ABCA9: variants seen among roughly 807,000 people sequenced by gnomAD.
ABCA9 encodes the protein ATP-binding cassette sub-family A member 9.
Under a neutral mutation model 205.3 loss-of-function variants are expected in ABCA9, and 183 were observed. That is an observed-to-expected ratio of 0.89 (90% CI 0.79 to 1.01). The LOEUF (loss-of-function observed/expected upper bound fraction) is 1.01. Ranked by LOEUF, ABCA9 falls within the 50% of genes least tolerant of loss-of-function variation. ABCA9 has a pLI of 0.00. For synonymous variants in ABCA9, 651 were observed against 683.3 expected (o/e 0.95, Z 0.74); for missense variants, 1,805 against 1,912.4 (o/e 0.94, Z 1.05).
intron 25 of ABCA9, among the ~76,000 whole-genome samples, chr17:69,000,093 G>C (rs894946117): frequency 6.6e-6 from 1 of 151,030 alleles, no homozygotes; most frequent in Non-Finnish European, 1.5e-5. Context: ...TCACTCTGAT[G>C]GTAGTTTCTT....
intron 1 of ABCA9, among the ~76,000 whole-genome samples, chr17:69,053,298 A>G (rs2144519061): frequency 6.6e-6 from 1 of 152,274 alleles, no homozygotes; most frequent in East Asian, 1.9e-4. Context: ...TACTCATTTC[A>G]CTTCAGAGAT....
At chr17:69,037,785 T>C (rs2071397651) in intron 6 of ABCA9, among the ~76,000 whole-genome samples, 1 of 152,142 alleles carries the variant, frequency 6.6e-6, no homozygotes, top group Admixed American at 6.5e-5. Flanking sequence ...AGGAGCTGTT[T>C]TTTTTAAAAG....
At chr17:68,978,057 G>A (rs530139847) in intron 37 of ABCA9, among the ~76,000 whole-genome samples, 2 of 152,272 alleles carry the variant, frequency 1.3e-5, no homozygotes, top group East Asian at 3.9e-4. Context: ...GTCTAATGTT[G>A]ACAGTGGGGT....
At chr17:69,024,454 A>G in intron 16 of ABCA9, 101 bp from the exon 17 acceptor site, 1 of 1,190,752 alleles carries the variant, frequency 8.4e-7, no homozygotes, top group South Asian at 1.7e-5. Context: ...AATATTTATG[A>G]GACAAAAAAA....
the ABCA9 span, among the ~76,000 whole-genome samples, chr17:69,071,524 A>T: frequency 6.6e-6 from 1 of 152,208 alleles, no homozygotes. Context: ...AGAAAAACTA[A>T]CAAACAGAAA....
At chr17:68,991,185 C>T (rs1323039532) in intron 28 of ABCA9, among the ~76,000 whole-genome samples, 1 of 152,142 alleles carries the variant, frequency 6.6e-6, no homozygotes, top group Non-Finnish European at 1.5e-5. Context: ...GCTTAATCCT[C>T]CCTGTTGATG....
rs2068952399 is a variant in ABCA9 at position 68,978,575 on chromosome 17, C to T, written c.4721-2385G>A. Among the ~76,000 whole-genome samples, 5 of 152,254 alleles carry T rather than the reference C, an allele frequency of 3.3e-5. No individual in the cohort carries two copies. In the South Asian group the frequency reaches 8.3e-4, roughly 25 times the overall value. ...TTCTTCCTAGCCTCAATGGTCTTTA[C>T]AATTAGGCATGTTTTTGCAGTGGCT... On this transcript the variant is annotated intron_variant, in intron 37 of 38. Coordinates refer to ENST00000340001, the MANE Select transcript of ABCA9 (RefSeq NM_080283.4).
In ABCA9 at chr17:68,984,145, C is replaced by T. The variant is rs375212861; in HGVS notation, c.4410G>A (p.Thr1470=). The T allele has an allele frequency of 2.1e-5, 34 of 1,614,032 alleles. No individual in the cohort carries two copies. In the African/African-American group the frequency reaches 3.7e-4, roughly 18 times the overall value. ...WQVIRATFRN[T]ERGALLTTHY... is the part of the protein sequence containing the mutation. ...GGGTGGTCAGGAGGGCGCCCCTCTC[C>T]GTGTTTCTAAAGGTGGCCCGAATCA... The change falls in exon 35 of 39, where the codon ACG becomes ACA. Residue 1470 remains threonine, a synonymous_variant. Transcript: ENST00000340001.
intron 1 of ABCA9, among the ~76,000 whole-genome samples, chr17:69,059,631 A>G (rs1179110575): frequency 1.3e-5 from 2 of 151,576 alleles, no homozygotes; most frequent in Non-Finnish European, 2.9e-5. Context: ...CTGTAAGATG[A>G]TAACTCTGTT....
In ABCA9 at chr17:68,999,926, T is replaced by G. The variant is rs2069785469; in HGVS notation, c.3436-3912A>C. ...GTTTTTTGGCTGCATAAATGTCTTC[T>G]TTTGAGAAGTGTCTGTTCATGTCCT... On this transcript the variant is annotated intron_variant, in intron 25 of 38. Transcript: ENST00000340001. Among the ~76,000 whole-genome samples, 3 of 152,320 alleles carry G rather than the reference T, an allele frequency of 2.0e-5. No homozygotes were observed. The South Asian group carries it at 6.2e-4, about 32-fold the overall frequency.
At chr17:68,998,145 C>T (rs1334648948) in intron 25 of ABCA9, among the ~76,000 whole-genome samples, 1 of 152,162 alleles carries the variant, frequency 6.6e-6, no homozygotes, top group Non-Finnish European at 1.5e-5. Context: ...AATAATATTC[C>T]ATTGTCTGGA....
rs764563080 is a variant in ABCA9, at chr17:68,992,266, G to C, written c.3625C>G (p.Pro1209Ala). ...AGAAAAATGAGAAAATGAAGGTAAG[G>C]CTAGGGAAAAAGAAAGACAATCACA... ...SEIVYLALLI[P>A]YLHFLIFLFI... is the part of the protein sequence containing the mutation. Residue 1209 changes from proline to alanine, a missense_variant and splice_region_variant, in exon 28 of 39, where the codon CCT (proline) becomes GCT (alanine). Coordinates refer to ENST00000340001, the MANE Select transcript of ABCA9 (RefSeq NM_080283.4). The C allele has an allele frequency of 4.5e-6, 7 of 1,567,424 alleles. No individual in the cohort carries two copies. The Admixed American group carries it at 7.2e-5, about 16-fold the overall frequency.
At chr17:68,985,665 A>C (rs1567914600) in intron 32 of ABCA9, among the ~76,000 whole-genome samples, 2 of 152,158 alleles carry the variant, frequency 1.3e-5, no homozygotes, top group East Asian at 3.9e-4. Flanking sequence ...GTCTGGGTGC[A>C]GTGGCTCACA....
At chr17:69,021,272 T>C (rs970088369) in intron 18 of ABCA9, among the ~76,000 whole-genome samples, 4 of 151,926 alleles carry the variant, frequency 2.6e-5, no homozygotes, top group East Asian at 1.9e-4. Flanking sequence ...CATAAGATGA[T>C]AGTGAACCAG....
rs1598395566 is a variant in ABCA9 at position 69,032,515 on chromosome 17, G to A, written c.1277-239C>T. 3.2e-5 allele frequency: 11 copies of A among 342,462 alleles called. No individual in the cohort carries two copies. The East Asian group carries it at 5.3e-4, about 16-fold the overall frequency. 21.2% of individuals were successfully genotyped at this position (342,462 alleles called of 1,614,324 possible). A position where few individuals can be genotyped will look rare whatever the true frequency, so the allele number is the denominator to read the frequency against. On this transcript the variant is annotated intron_variant, in intron 9 of 38. Coordinates refer to ENST00000340001, the MANE Select transcript of ABCA9 (RefSeq NM_080283.4). ...TGTAGCATTGTTAACTAACTAAAAA[G>A]CTCCTCAAAATGCAGAGAGATGTCT...
rs2069387657 is a variant in ABCA9 at position 68,989,895 on chromosome 17, T to C, written c.3873A>G (p.Glu1291=). Residue 1291 remains glutamate, a synonymous_variant, in exon 30 of 39, where the codon GAA becomes GAG. Coordinates refer to ENST00000340001, the MANE Select transcript of ABCA9 (RefSeq NM_080283.4). Reference sequence around the variant, plus strand: ...AGCAATTTTTCTTTTTGCCTGCATATTCCTTCCGTAGACAGCTGGCAATGA... The same window carrying C: ...AGCAATTTTTCTTTTTGCCTGCATACTCCTTCCGTAGACAGCTGGCAATGA... ...PVIIASCLRK[E]YAGKKKNCFS... The C allele has an allele frequency of 6.2e-7, 1 of 1,613,232 alleles. No homozygotes were observed. Among genetic ancestry groups the C allele is most frequent in the South Asian group, 1.1e-5 (1 of 90,910 alleles).
At chr17:69,020,709 C>A in intron 18 of ABCA9, 123 bp from the exon 19 acceptor site, 1 of 728,280 alleles carries the variant, frequency 1.4e-6, no homozygotes, top group Non-Finnish European at 2.2e-6. Context: ...TACAAGTAAT[C>A]TAATGTATGA....
Position 68,982,559 on chromosome 17 carries a change from T to C in ABCA9, c.4720+3A>G. On this transcript the variant is annotated splice_donor_region_variant and intron_variant, in intron 37 of 38. Coordinates refer to ENST00000340001, the MANE Select transcript of ABCA9 (RefSeq NM_080283.4). The stretch of plus-strand genomic sequence containing the variant: ...AGTTTTGTCTCTAAACAGTCACTCT[T>C]ACCTATCTCTAATTTGAAGAAAGCC... 6.2e-7 allele frequency: 1 copy of C among 1,611,984 alleles called. No individual in the cohort carries two copies. The highest frequency in any genetic ancestry group is 8.5e-7 in the Non-Finnish European group (1 of 1,178,026).
chr17:69,036,022 T>C (rs2071326981), intron 6 of ABCA9, among the ~76,000 whole-genome samples: 1 of 152,194 alleles, frequency 6.6e-6, no homozygotes, highest in Non-Finnish European at 1.5e-5. Flanking sequence ...GCAAAATAAG[T>C]AAAGCTGGAT....
Sources: gnomAD v4.1 joint callset for allele counts (sites outside exome capture counted in the v4.1 genomes callset) on GRCh38, gnomAD v4.1.1 for gene constraint, MANE v1.5 for transcripts, NCBI Gene and HGNC (gene_info 2026-07-23, HGNC 2026-07-21) for gene names.